SHANK2: variants seen among roughly 807,000 people sequenced by gnomAD.
SHANK2 encodes SH3 and multiple ankyrin repeat domains 2.
Under a neutral mutation model 133.7 loss-of-function variants are expected in SHANK2, and 43 were observed. The ratio of observed to expected loss-of-function variants is 0.32; its 90% CI spans 0.25 to 0.41. SHANK2 has a LOEUF of 0.41. Among genes scored for constraint, SHANK2 ranks in the 10% least tolerant of loss-of-function variants. The pLI is 1.00. For missense variants in SHANK2, 1,994 were observed against 2,235.8 expected (o/e 0.89, Z 2.18); for synonymous variants, 1,017 against 952.8 (o/e 1.07, Z -1.24).
intron 10 of SHANK2, among the ~76,000 whole-genome samples, chr11:70,899,663 C>G (rs988018517): frequency 6.6e-6 from 1 of 152,224 alleles, no homozygotes; most frequent in Admixed American, 6.5e-5. Flanking sequence ...GGGAACTCGA[C>G]TTAGGTGATG....
At chr11:70,602,547 C>T (rs1020739365) in intron 17 of SHANK2, among the ~76,000 whole-genome samples, 5 of 152,218 alleles carry the variant, frequency 3.3e-5, no homozygotes, top group Non-Finnish European at 5.9e-5. Flanking sequence ...CGGGTCACAA[C>T]ACCAGACCCC....
chr11:70,639,299 T>C (rs2061147105), intron 17 of SHANK2, among the ~76,000 whole-genome samples: 1 of 152,152 alleles, frequency 6.6e-6, no homozygotes, highest in Non-Finnish European at 1.5e-5. Context: ...TGCCACAAAC[T>C]GGTGGCTTCT....
intron 9 of SHANK2, among the ~76,000 whole-genome samples, chr11:71,062,750 C>T (rs1352938269): frequency 1.3e-5 from 2 of 152,180 alleles, no homozygotes; most frequent in South Asian, 4.1e-4. Flanking sequence ...AATCTCAACA[C>T]TTTGGGAGGC....
At chr11:71,199,022 G>A (rs972637431) in intron 2 of SHANK2, among the ~76,000 whole-genome samples, 84 of 152,170 alleles carry the variant, frequency 5.5e-4, no homozygotes, top group African/African-American at 2.0e-3. Context: ...GGGCGGAGGC[G>A]TATTCAATGA....
At chr11:70,891,188 A>T (rs1949839464) in intron 11 of SHANK2, among the ~76,000 whole-genome samples, 1 of 152,136 alleles carries the variant, frequency 6.6e-6, no homozygotes, top group South Asian at 2.1e-4. Flanking sequence ...CGTCCTGCTC[A>T]GTTGGTGGCA....
intron 17 of SHANK2, among the ~76,000 whole-genome samples, chr11:70,577,656 G>A (rs2060133297): frequency 6.7e-6 from 1 of 148,566 alleles, no homozygotes; most frequent in African/African-American, 2.5e-5. Context: ...TCCCACCCAG[G>A]CCCACCCCCA....
At chr11:70,508,005 C>T (rs1403314921) in intron 17 of SHANK2, among the ~76,000 whole-genome samples, 1 of 152,228 alleles carries the variant, frequency 6.6e-6, no homozygotes, top group East Asian at 1.9e-4. Flanking sequence ...GCTTTGCACC[C>T]CTCCAGGGTA....
At chr11:70,654,995 CTGACCTCAGG>C (rs2061388679) in intron 17 of SHANK2, among the ~76,000 whole-genome samples, 1 of 152,100 alleles carries the variant, frequency 6.6e-6, no homozygotes, top group African/African-American at 2.4e-5. Context: ...TCTCGAACTC[CTGACCTCAGG>C]TGATCCACCC....
chr11:70,545,963 G>T (rs1156497016), intron 17 of SHANK2, among the ~76,000 whole-genome samples: 3 of 152,160 alleles, frequency 2.0e-5, no homozygotes, highest in Non-Finnish European at 4.4e-5. Flanking sequence ...TGATTATGGA[G>T]GCTGCACCTC....
chr11:71,089,760 G>A (rs1312315683), intron 8 of SHANK2, among the ~76,000 whole-genome samples: 1 of 152,194 alleles, frequency 6.6e-6, no homozygotes, highest in Non-Finnish European at 1.5e-5. Flanking sequence ...TGAGGAGGGG[G>A]CCAGGGAATG....
chr11:71,206,487 C>T (rs779533149), intron 2 of SHANK2, among the ~76,000 whole-genome samples: 5 of 152,264 alleles, frequency 3.3e-5, no homozygotes, highest in Non-Finnish European at 5.9e-5. Flanking sequence ...GAGCCAGCAG[C>T]GCCGCACCCC....
intron 8 of SHANK2, among the ~76,000 whole-genome samples, chr11:71,086,472 T>C (rs1220350625): frequency 1.5e-5 from 2 of 137,224 alleles, no homozygotes; most frequent in African/African-American, 2.7e-5. Flanking sequence ...TTATGTAATA[T>C]ATAATTTGTT....
intron 17 of SHANK2, among the ~76,000 whole-genome samples, chr11:70,627,815 T>C (rs1287501854): frequency 1.3e-5 from 2 of 152,228 alleles, no homozygotes; most frequent in Non-Finnish European, 2.9e-5. Flanking sequence ...GGCTTGGAAT[T>C]TTATACCTGT....
chr11:71,203,836 A>C (rs1186582940), intron 2 of SHANK2, among the ~76,000 whole-genome samples: 1 of 152,190 alleles, frequency 6.6e-6, no homozygotes, highest in Non-Finnish European at 1.5e-5. Context: ...AAGAACCCCC[A>C]GGAAAAGCCC....
At chr11:70,802,851 T>C (rs782184472) in intron 13 of SHANK2, among the ~76,000 whole-genome samples, 4 of 152,210 alleles carry the variant, frequency 2.6e-5, no homozygotes, top group Non-Finnish European at 5.9e-5. Flanking sequence ...GGGCTTGCAG[T>C]AAGCAGGGTC....
chr11:71,117,851 A>T (rs1555100664), intron 4 of SHANK2, among the ~76,000 whole-genome samples: 1 of 152,120 alleles, frequency 6.6e-6, no homozygotes, highest in African/African-American at 2.4e-5. Flanking sequence ...AGGTTCTCTG[A>T]GCTGCTCCAG....
At chr11:70,646,033 G>A (rs2061255370) in intron 17 of SHANK2, 1 of 152,268 alleles carries the variant, frequency 6.6e-6, no homozygotes, top group Non-Finnish European at 1.5e-5. Flanking sequence ...CATACAGTAA[G>A]TGCTCAAGAA....
intron 14 of SHANK2, among the ~76,000 whole-genome samples, chr11:70,729,961 T>C (rs1437270863): frequency 6.7e-6 from 1 of 148,652 alleles, no homozygotes; most frequent in Non-Finnish European, 1.5e-5. Context: ...CCAAACCTGC[T>C]CCACCACCTA....
chr11:70,684,726 G>C (rs773187228), intron 15 of SHANK2, among the ~76,000 whole-genome samples: 2 of 151,908 alleles, frequency 1.3e-5, no homozygotes, highest in African/African-American at 4.8e-5. Context: ...GACTCAGTGA[G>C]TGCCTGAGTC....
Sources: allele counts gnomAD v4.1 joint callset (sites outside exome capture counted in the v4.1 genomes callset), GRCh38; gene constraint gnomAD v4.1.1; transcripts MANE v1.5; gene names NCBI Gene and HGNC (gene_info 2026-07-23, HGNC 2026-07-21).